SETD4: variants seen among roughly 807,000 people sequenced by gnomAD.
The protein encoded by SETD4 is SET domain containing 4.
In SETD4, 46 loss-of-function variants were observed where a neutral mutation model predicts 58.3. The ratio of observed to expected loss-of-function variants is 0.79; its 90% confidence interval spans 0.62 to 1.01. The LOEUF (loss-of-function observed/expected upper bound fraction) is 1.01, where lower values mean the gene tolerates loss of function less well. SETD4 is among the 50% of genes least tolerant of loss of function. The probability of loss-of-function intolerance (pLI) is 0.00; values close to 1 mark genes in which losing one functional copy is unlikely to be tolerated. For synonymous variants in SETD4, 190 were observed against 202.6 expected (o/e 0.94, Z 0.53); for missense variants, 490 against 523.3 (o/e 0.94, Z 0.62).
At chr21:36,036,541 T>C in intron 10 of SETD4, 1 of 674,696 alleles carries the variant, frequency 1.5e-6, no homozygotes, top group Non-Finnish European at 1.8e-6. Context: ...CTCACAGAAG[T>C]GGATCATACA....
At chr21:36,042,634 A>G (rs2064118271) in intron 7 of SETD4, 1 of 152,210 alleles carries the variant, frequency 6.6e-6, no homozygotes, top group Non-Finnish European at 1.5e-5. Context: ...AATCAAATCT[A>G]TATTTAAAAA....
chr21:36,035,965 A>G lies in SETD4; in HGVS notation c.*33-5T>C. 1.9e-6 allele frequency: 2 copies of G among 1,071,704 alleles called. No individual in the cohort carries two copies. Among genetic ancestry groups the G allele is most frequent in the Non-Finnish European group, 1.4e-6 (1 of 734,344 alleles). 66.4% of individuals were successfully genotyped at this position (1,071,704 alleles called of 1,614,324 possible). A position where few individuals can be genotyped will look rare whatever the true frequency, so the allele number is the denominator to read the frequency against. The stretch of plus-strand genomic sequence containing the variant: ...CTTCAAAATTAACTTTTGTTTCTGT[A>G]GGAAAAGCAAAAGGAAAAGGATTAA... On this transcript the variant is annotated splice_region_variant and splice_polypyrimidine_tract_variant and intron_variant, in intron 11 of 11. Transcript: ENST00000332131.
At chr21:36,057,480 TAAAA>T in intron 2 of SETD4, 1 of 532,996 alleles carries the variant, frequency 1.9e-6, no homozygotes, top group Non-Finnish European at 3.4e-6. Context: ...CCCCATCTCT[TAAAA>T]AAAAAAAAAA....
At chr21:36,038,479 G>C (rs1300512261) in intron 9 of SETD4, among the ~76,000 whole-genome samples, 2 of 152,188 alleles carry the variant, frequency 1.3e-5, no homozygotes, top group African/African-American at 2.4e-5. Context: ...AGGAGGAGCT[G>C]AGAATAAAAG....
intron 4 of SETD4, among the ~76,000 whole-genome samples, chr21:36,049,429 C>G (rs2064527947): frequency 6.6e-6 from 1 of 152,172 alleles, no homozygotes; most frequent in Admixed American, 6.5e-5. Flanking sequence ...GTGGTGCACA[C>G]CTGTCATCCC....
intron 1 of SETD4, chr21:36,060,144 G>A: frequency 6.1e-6 from 6 of 985,034 alleles, no homozygotes; most frequent in Non-Finnish European, 6.0e-6. Flanking sequence ...GCAGCGCGCC[G>A]GAGCAACATG....
chr21:36,041,686 T>C (rs2064069347), intron 8 of SETD4, 121 bp downstream of exon 8: 1 of 659,382 alleles, frequency 1.5e-6, no homozygotes, highest in African/African-American at 1.9e-5. Flanking sequence ...AAGTGCTCAA[T>C]ACCTACCCGT....
chr21:36,043,226 A>AGAT, intron 7 of SETD4: 1 of 157,782 alleles, frequency 6.3e-6, no homozygotes, highest in Non-Finnish European at 1.4e-5. Context: ...ACACCACTGC[A>AGAT]CTCCAGCCTG....
At chr21:36,053,762 G>C in intron 3 of SETD4, 142 bp from the exon 4 acceptor site, 1 of 789,652 alleles carries the variant, frequency 1.3e-6, no homozygotes, top group Non-Finnish European at 2.1e-6. Flanking sequence ...ATTCCCAGGG[G>C]AAACAGGGAG....
chr21:36,046,608 T>C (rs557717672), intron 5 of SETD4, among the ~76,000 whole-genome samples: 167 of 152,346 alleles, frequency 1.1e-3, no homozygotes, highest in African/African-American at 3.9e-3. Flanking sequence ...AAAAGCTCTA[T>C]TGGAGGGCAC....
chr21:36,042,087 A>G (rs2064093043), intron 7 of SETD4, 199 bp from the exon 8 acceptor site: 1 of 378,944 alleles, frequency 2.6e-6, no homozygotes, highest in Non-Finnish European at 4.7e-6. Flanking sequence ...GGCTGTAAGA[A>G]TTTCAAGGCT....
At position 36,048,341 on chromosome 21, in the gene SETD4, ACT is replaced by A; in HGVS notation, c.261_262del (p.Val88AspfsTer11). On this transcript the variant is annotated frameshift_variant, in exon 5 of 12. Transcript: ENST00000332131. LOFTEE classifies it high-confidence loss of function. ...GTATGCCCCTAAGTAGCTTCGAATC[ACT>A]GTGTCCGTGGTGAGCAGGCAACTCT... 6.2e-7 allele frequency: 1 copy of A among 1,614,116 alleles called. No individual in the cohort carries two copies. Among genetic ancestry groups the A allele is most frequent in the Non-Finnish European group, 8.5e-7 (1 of 1,180,010 alleles).
At chr21:36,046,715 C>T (rs1253284735) in intron 5 of SETD4, among the ~76,000 whole-genome samples, 5 of 152,212 alleles carry the variant, frequency 3.3e-5, no homozygotes, top group African/African-American at 1.2e-4. Context: ...TTATGTATCA[C>T]AGTATTTTTA....
At chr21:36,050,122 G>A (rs532426944) in intron 4 of SETD4, 37 of 740,984 alleles carry the variant, frequency 5.0e-5, no homozygotes, top group East Asian at 2.8e-4. Flanking sequence ...GACTCTTGCA[G>A]ACCTCTATAT....
In SETD4 at chr21:36,035,808, G is replaced by C. The variant is rs2063758132; in HGVS notation, c.*185C>G. 5.4e-6 allele frequency: 2 copies of C among 368,420 alleles called. No homozygotes were observed. The allele number at this position is 368,420 out of a possible 1,614,324, so 22.8% of individuals were successfully genotyped here. On this transcript the variant is annotated 3_prime_UTR_variant, in exon 12 of 12. Transcript: ENST00000332131. ...TCACAGTTCAGCACTTTATTCGGAA[G>C]AGCATTAGACCTGCCATCCAGACAG...
chr21:36,055,554 C>T (rs2064946963), intron 3 of SETD4, among the ~76,000 whole-genome samples: 1 of 152,090 alleles, frequency 6.6e-6, no homozygotes. Flanking sequence ...TTTCCTGTGC[C>T]CCTCCACAAA....
intron 4 of SETD4, 115 bp from the exon 5 acceptor site, chr21:36,048,511 A>C: frequency 2.3e-5 from 20 of 873,200 alleles, no homozygotes; most frequent in Non-Finnish European, 2.1e-5. Context: ...ACTGTAACTC[A>C]ACCAAAAGCC....
At chr21:36,049,135 C>T (rs758952106) in intron 4 of SETD4, among the ~76,000 whole-genome samples, 11 of 152,180 alleles carry the variant, frequency 7.2e-5, no homozygotes, top group East Asian at 3.9e-4. Context: ...GTGTCTCCCA[C>T]GGAGATAGAA....
intron 6 of SETD4, among the ~76,000 whole-genome samples, chr21:36,044,410 C>T (rs2835245): frequency 0.42 from 64,119 of 152,124 alleles, 13,603 homozygotes; most frequent in Admixed American, 0.46. Flanking sequence ...TTGGGCCACA[C>T]GCCCACAGGC....
Sources: allele counts gnomAD v4.1 joint callset (sites outside exome capture counted in the v4.1 genomes callset), GRCh38; gene constraint gnomAD v4.1.1; transcripts MANE v1.5; gene names NCBI Gene and HGNC (gene_info 2026-07-23, HGNC 2026-07-21).